IPO11: variants seen among roughly 807,000 people sequenced by gnomAD.
IPO11 encodes the protein importin 11, also known as importin-11.
A neutral mutation model predicts 143.2 loss-of-function variants in IPO11; 66 were observed. The observed-to-expected ratio is 0.46, with a 90% CI of 0.38 to 0.57. The LOEUF is 0.57. Among genes scored for constraint, IPO11 ranks in the 20% least tolerant of loss-of-function variants. The pLI is 0.00. For synonymous variants in IPO11, 385 were observed against 377.8 expected (o/e 1.02, Z -0.22); for missense variants, 1,026 against 1,141.0 (o/e 0.90, Z 1.45).
chr5:62,427,316 T>C (rs1215166585), intron 1 of IPO11, among the ~76,000 whole-genome samples: 1 of 152,122 alleles, frequency 6.6e-6, no homozygotes, highest in Middle Eastern at 3.2e-3. Flanking sequence ...TTTGAAACTC[T>C]TGAGTAGATT....
At chr5:62,430,680 AT>A (rs112091773) in intron 1 of IPO11, among the ~76,000 whole-genome samples, 1,725 of 140,730 alleles carry the variant, frequency 0.012, 20 homozygotes, top group African/African-American at 0.034. Context: ...TAATTACTTA[AT>A]TTTTTTTTTT....
intron 5 of IPO11, among the ~76,000 whole-genome samples, chr5:62,465,840 C>T (rs193124681): frequency 6.6e-6 from 1 of 152,316 alleles, no homozygotes; most frequent in African/African-American, 2.4e-5. Flanking sequence ...CCTACAGGTG[C>T]CAGCTTCCTG....
intron 27 of IPO11, chr5:62,580,388 A>G: frequency 3.2e-6 from 5 of 1,549,916 alleles, no homozygotes; most frequent in East Asian, 2.4e-5. Flanking sequence ...AGCATTGATA[A>G]TGATACATTT....
chr5:62,587,352 C>T (rs1205101457), intron 27 of IPO11, among the ~76,000 whole-genome samples: 2 of 152,014 alleles, frequency 1.3e-5, no homozygotes, highest in Non-Finnish European at 2.9e-5. Context: ...CAGTATTTTT[C>T]AGGGGAGCTA....
intron 27 of IPO11, among the ~76,000 whole-genome samples, chr5:62,591,247 A>G (rs1265353277): frequency 6.6e-6 from 1 of 152,144 alleles, no homozygotes; most frequent in Non-Finnish European, 1.5e-5. Flanking sequence ...TCATTAGAAG[A>G]GCAGAAATTT....
chr5:62,469,778 A>C (rs1745703481), intron 6 of IPO11, among the ~76,000 whole-genome samples: 1 of 152,176 alleles, frequency 6.6e-6, no homozygotes, highest in African/African-American at 2.4e-5. Context: ...TACTCATGAA[A>C]TGTCACAGTT....
rs560960863 is a variant in IPO11, at chr5:62,435,953, C to T, written c.-6-1321C>T. ...CTGAGGCAGGAGAATCGCTTGAACC[C>T]GGGAGGTGGAGTGAGTTGAGATTGT... On this transcript the variant is annotated intron_variant, in intron 1 of 29. Coordinates refer to ENST00000325324, the MANE Select transcript of IPO11 (RefSeq NM_016338.5). Among the ~76,000 whole-genome samples, 291 of 152,142 alleles carry T rather than the reference C, an allele frequency of 1.9e-3. 1 individual carries two copies. The highest frequency in any genetic ancestry group is 3.3e-3 in the Non-Finnish European group (226 of 67,996).
At chr5:62,610,670 A>C (rs1745894437) in intron 29 of IPO11, among the ~76,000 whole-genome samples, 1 of 152,228 alleles carries the variant, frequency 6.6e-6, no homozygotes. Flanking sequence ...AAGTGATAAT[A>C]ATCAAATGAT....
At position 62,598,376 on chromosome 5, in the gene IPO11, T is replaced by TTTGC. The variant is rs142923802; in HGVS notation, c.2679-3373_2679-3370dup. ...CTTATGTGAAACGACCCATAAATTG[T>TTTGC]TTGCTTGCTTGCTTGCTTTCTTTCT... On this transcript the variant is annotated intron_variant, in intron 28 of 29. Transcript: ENST00000325324. 4.9e-4 allele frequency among the ~76,000 whole-genome samples: 8 copies of TTTGC among 16,352 alleles called. 2 individuals are homozygous for TTTGC. The highest frequency in any genetic ancestry group is 6.1e-3 in the South Asian group (2 of 328). 10.7% of individuals were successfully genotyped at this position (16,352 alleles called of 152,430 possible).
At chr5:62,448,175 GTT>G (rs777217925) in intron 3 of IPO11, among the ~76,000 whole-genome samples, 15 of 147,996 alleles carry the variant, frequency 1.0e-4, no homozygotes, top group South Asian at 6.5e-4. Context: ...TATTTAGTAT[GTT>G]TTTTTTTTCA....
At chr5:62,524,179 A>G (rs944029124) in intron 20 of IPO11, among the ~76,000 whole-genome samples, 1 of 152,164 alleles carries the variant, frequency 6.6e-6, no homozygotes, top group South Asian at 2.1e-4. Context: ...GCTGCATATC[A>G]GGGATTGGAC....
chr5:62,451,819 G>A lies in IPO11; in HGVS notation c.402G>A (p.Glu134=), dbSNP rs1744936941. The A allele has an allele frequency of 3.1e-6, 5 of 1,613,958 alleles. No homozygotes were observed. In the East Asian group the frequency reaches 1.1e-4, roughly 36 times the overall value. The stretch of plus-strand genomic sequence containing the variant: ...CTGAACTAATTCCCACTCTTATAGA[G>A]TCTGTTAAAGTCCAGGATGATCTTC... ...QWPELIPTLI[E]SVKVQDDLRQ... Residue 134 remains glutamate (E), a synonymous_variant, in exon 5 of 30, where the codon GAG becomes GAA. Coordinates refer to ENST00000325324, the MANE Select transcript of IPO11 (RefSeq NM_016338.5).
intron 20 of IPO11, among the ~76,000 whole-genome samples, chr5:62,516,924 C>T (rs1266179530): frequency 3.3e-5 from 5 of 151,226 alleles, no homozygotes; most frequent in South Asian, 2.1e-4. Context: ...TGAGGCTGGG[C>T]GTGGTGGCTC....
chr5:62,500,772 A>G (rs564829833), intron 16 of IPO11, among the ~76,000 whole-genome samples: 25 of 152,284 alleles, frequency 1.6e-4, no homozygotes, highest in Middle Eastern at 3.4e-3. Flanking sequence ...TACTGGGATT[A>G]TAGGTGTGAG....
rs1304102270 is a variant in IPO11 at position 62,412,816 on chromosome 5, C to G, written c.-120C>G. ...GCGTGTTCCTAGAAGCCGCTTTCGG[C>G]ATCAGTAGGCGGCGGCGTGGGGTCT... On this transcript the variant is annotated 5_prime_UTR_variant, in exon 1 of 30. Transcript: ENST00000325324. The G allele has an allele frequency of 6.5e-6, 1 of 152,714 alleles. No individual in the cohort carries two copies. The highest frequency in any genetic ancestry group is 2.4e-5 in the African/African-American group (1 of 41,458). The allele number at this position is 152,714 out of a possible 1,614,324, so 9.5% of individuals were successfully genotyped here.
chr5:62,455,539 T>C (rs1264531893), intron 5 of IPO11, among the ~76,000 whole-genome samples: 1 of 152,068 alleles, frequency 6.6e-6, no homozygotes, highest in Non-Finnish European at 1.5e-5. Flanking sequence ...AAAAAAATAT[T>C]AAGCTCATGG....
Position 62,441,142 on chromosome 5 carries a change from C to CT in IPO11, c.139-1834dup, listed in dbSNP as rs1307046642. ...ATTATTTGGATTAACATAATGCATACTTTTTTTGAGTAATGGTTAATGTTG... is the reference window on the plus strand; with the variant it reads ...ATTATTTGGATTAACATAATGCATACTTTTTTTTGAGTAATGGTTAATGTTG... On this transcript the variant is annotated intron_variant, in intron 2 of 29. Coordinates refer to ENST00000325324, the MANE Select transcript of IPO11 (RefSeq NM_016338.5). Among the ~76,000 whole-genome samples the CT allele has an allele frequency of 3.3e-5, 5 of 152,026 alleles. No homozygotes were observed. The East Asian group carries it at 7.7e-4, about 23-fold the overall frequency.
chr5:62,465,796 G>T (rs997959210), intron 5 of IPO11, among the ~76,000 whole-genome samples: 1 of 152,232 alleles, frequency 6.6e-6, no homozygotes, highest in African/African-American at 2.4e-5. Context: ...GATTCAGGCA[G>T]TTCATTATTT....
chr5:62,583,758 C>G (rs970749379), intron 27 of IPO11, among the ~76,000 whole-genome samples: 1 of 152,124 alleles, frequency 6.6e-6, no homozygotes, highest in Non-Finnish European at 1.5e-5. Flanking sequence ...TAATAATTTT[C>G]TTGGGTACAA....
Sources: allele counts gnomAD v4.1 joint callset (sites outside exome capture counted in the v4.1 genomes callset), GRCh38; gene constraint gnomAD v4.1.1; transcripts MANE v1.5; gene names NCBI Gene and HGNC (gene_info 2026-07-23, HGNC 2026-07-21).